Variants in ZCWPW1 observed in about 807,000 individuals in gnomAD.
ZCWPW1 encodes the protein zinc finger CW-type and PWWP domain containing 1, also known as zinc finger CW-type PWWP domain protein 1.
Under a neutral mutation model 81.3 loss-of-function variants are expected in ZCWPW1, and 56 were observed. That is an observed-to-expected ratio of 0.69 (90% CI 0.56 to 0.86). ZCWPW1 has a LOEUF of 0.86. Ranked by LOEUF, ZCWPW1 falls within the 40% of genes least tolerant of loss-of-function variation. ZCWPW1 has a pLI of 0.00. For synonymous variants in ZCWPW1, 250 were observed against 273.7 expected (o/e 0.91, Z 0.86); for missense variants, 650 against 769.8 (o/e 0.84, Z 1.84).
At chr7:100,421,454 TATA>T (rs901224612) in intron 2 of ZCWPW1, among the ~76,000 whole-genome samples, 8 of 152,312 alleles carry the variant, frequency 5.3e-5, no homozygotes, top group Admixed American at 2.6e-4. Flanking sequence ...TTAACATCAT[TATA>T]ATGTTTATTT....
rs746961331 is a variant in ZCWPW1, at chr7:100,419,691, C to T, written c.221G>A (p.Ser74Asn). Residue 74 changes from serine to asparagine, a missense_variant, in exon 4 of 18, where the codon AGC becomes AAC. Physicochemically the swap from Ser to Asn is conservative, Grantham distance 46. Transcript: ENST00000684423. ...EEKATMKNVP[S>N]REQEKKRKAQ... ...CTTTCTTTTTTTCTCCTGTTCCCTG[C>T]TTGGAACATTCTTCATGGTTGCTTT... The T allele has an allele frequency of 6.2e-7, 1 of 1,614,026 alleles. No individual in the cohort carries two copies. Among genetic ancestry groups the T allele is most frequent in the Non-Finnish European group, 8.5e-7 (1 of 1,180,022 alleles).
rs369091115 is a variant in ZCWPW1, at chr7:100,416,340, T to C, written c.596A>G (p.Asn199Ser). ...PDPAPSKKKS[N>S]RLTLSKRKKE... ...CTTTCTTTTGCTTAAGGTGAGTCTA[T>C]TGGATTTCTTCTTAGAGGGTGCAGG... The change falls in exon 7 of 18, where the codon AAT becomes AGT. Residue 199 changes from asparagine (N) to serine (S), a missense_variant. Physicochemically the swap from Asn to Ser is conservative, Grantham distance 46 (BLOSUM62 1). Coordinates refer to ENST00000684423, the MANE Select transcript of ZCWPW1 (RefSeq NM_001386010.1). 10 of 1,614,064 alleles carry C rather than the reference T, an allele frequency of 6.2e-6. No homozygotes were observed. Among genetic ancestry groups the C allele is most frequent in the South Asian group, 2.2e-5 (2 of 91,082 alleles).
intron 1 of ZCWPW1, among the ~76,000 whole-genome samples, chr7:100,426,783 TTCTC>T (rs1491316595): frequency 1.1e-5 from 1 of 94,276 alleles, no homozygotes; most frequent in Non-Finnish European, 2.1e-5. Context: ...CCTCCTCCCT[TTCTC>T]TCTCCCTCTT....
At position 100,419,870 on chromosome 7, in the gene ZCWPW1, T is replaced by C. The variant is rs1164969048; in HGVS notation, c.42A>G (p.Gly14=). Reference sequence around the variant, plus strand: ...CAGGTGGGGCAAAGATTCTCTTTGGTCCCTTTCCACATTCTGAAAGAAATG... The same window carrying C: ...CAGGTGGGGCAAAGATTCTCTTTGGCCCCTTTCCACATTCTGAAAGAAATG... ...TLQNKEECGK[G]PKRIFAPPAQ... Residue 14 remains glycine (G), a synonymous_variant, in exon 4 of 18, where the codon GGA becomes GGG. Transcript: ENST00000684423. The C allele has an allele frequency of 6.3e-7, 1 of 1,576,662 alleles. No individual in the cohort carries two copies. The highest frequency in any genetic ancestry group is 1.2e-5 in the South Asian group (1 of 85,448).
At chr7:100,424,458 T>A (rs1796944797) in intron 2 of ZCWPW1, among the ~76,000 whole-genome samples, 1 of 152,106 alleles carries the variant, frequency 6.6e-6, no homozygotes, top group Non-Finnish European at 1.5e-5. Context: ...CAAAAAATAT[T>A]TTAAATTATT....
intron 16 of ZCWPW1, 92 bp from the exon 17 acceptor site, chr7:100,402,133 C>T: frequency 6.8e-7 from 1 of 1,478,794 alleles, no homozygotes; most frequent in South Asian, 1.3e-5. Flanking sequence ...CCCTGCCCCA[C>T]ATCTTCTGCT....
At chr7:100,403,565 T>A in intron 15 of ZCWPW1, 129 bp downstream of exon 15, 1 of 634,710 alleles carries the variant, frequency 1.6e-6, no homozygotes, top group Non-Finnish European at 2.5e-6. Flanking sequence ...GGCTCATGCC[T>A]GTAATCCCAG....
intron 1 of ZCWPW1, among the ~76,000 whole-genome samples, chr7:100,425,685 C>T (rs28660238): frequency 0.21 from 32,330 of 152,056 alleles, 3,718 homozygotes; most frequent in African/African-American, 0.29. Context: ...CAGAAACAGA[C>T]GAGAACCCAG....
rs1411609074 is a variant in ZCWPW1 at position 100,416,008 on chromosome 7, T to C, written c.721A>G (p.Arg241Gly). ...KKTVQDHSQI[R>G]DQQKGEISGF... ...CTTATCTCTCCTTTTTGCTGGTCCC[T>C]GATCTGAGAATGATCCTGAACTGTT... Residue 241 changes from arginine (R) to glycine (G), a missense_variant, in exon 8 of 18, where the codon AGG (arginine) becomes GGG (glycine). By Grantham distance (125) the Arg-to-Gly change is moderately radical. Transcript: ENST00000684423. The C allele has an allele frequency of 1.2e-6, 2 of 1,614,050 alleles. No homozygotes were observed. The highest frequency in any genetic ancestry group is 1.7e-6 in the Non-Finnish European group (2 of 1,180,026).
intron 6 of ZCWPW1, 78 bp downstream of exon 6, chr7:100,416,988 C>G (rs565657315): frequency 1.0e-6 from 1 of 986,470 alleles, no homozygotes; most frequent in Non-Finnish European, 1.6e-6. Flanking sequence ...ACCAGATAGA[C>G]AGACAGATAG....
intron 8 of ZCWPW1, among the ~76,000 whole-genome samples, chr7:100,411,726 C>T (rs1794208399): frequency 6.6e-6 from 1 of 152,018 alleles, no homozygotes. Context: ...TATATTAATA[C>T]AGATCAATAA....
chr7:100,404,117 G>A (rs1364557549), intron 14 of ZCWPW1, 61 bp downstream of exon 14: 24 of 1,539,114 alleles, frequency 1.6e-5, no homozygotes, highest in Non-Finnish European at 2.1e-5. Flanking sequence ...AACATGGGTT[G>A]CTGCCCTCAT....
intron 2 of ZCWPW1, among the ~76,000 whole-genome samples, chr7:100,424,617 A>T (rs1372077768): frequency 1.3e-5 from 2 of 151,650 alleles, no homozygotes; most frequent in African/African-American, 4.8e-5. Context: ...GCGCACCACC[A>T]CCCCCAGCTA....
At chr7:100,414,990 A>T (rs1488589438) in intron 8 of ZCWPW1, among the ~76,000 whole-genome samples, 1 of 146,662 alleles carries the variant, frequency 6.8e-6, no homozygotes, top group Non-Finnish European at 1.5e-5. Flanking sequence ...GCGCCACCGC[A>T]CTCCAGCCTG....
At chr7:100,426,808 TCC>T (rs540931024) in intron 1 of ZCWPW1, among the ~76,000 whole-genome samples, 23 of 74,910 alleles carry the variant, frequency 3.1e-4, no homozygotes, top group African/African-American at 1.1e-3. Flanking sequence ...CCCTCCCTCC[TCC>T]CCCTCTCCTT....
chr7:100,428,070 C>T (rs1205271446), intron 1 of ZCWPW1, among the ~76,000 whole-genome samples: 1 of 152,068 alleles, frequency 6.6e-6, no homozygotes, highest in Non-Finnish European at 1.5e-5. Flanking sequence ...CTGGTTGTCG[C>T]CCTGAGAAAG....
At chr7:100,417,879 GTTTTTGT>G (rs1795621480) in intron 5 of ZCWPW1, among the ~76,000 whole-genome samples, 1 of 151,086 alleles carries the variant, frequency 6.6e-6, no homozygotes. Context: ...TTGGTTTTTG[GTTTTTGT>G]TTTTTGGTTT....
At chr7:100,423,238 T>C (rs1796660876) in intron 2 of ZCWPW1, among the ~76,000 whole-genome samples, 1 of 152,188 alleles carries the variant, frequency 6.6e-6, no homozygotes, top group Non-Finnish European at 1.5e-5. Flanking sequence ...ACTAATAACA[T>C]ATCTATTCTA....
At chr7:100,411,969 C>CA (rs1198537810) in intron 8 of ZCWPW1, among the ~76,000 whole-genome samples, 5 of 152,164 alleles carry the variant, frequency 3.3e-5, no homozygotes, top group Non-Finnish European at 7.4e-5. Flanking sequence ...GTCACAGACA[C>CA]ATGTTAAGAG....
Sources: gnomAD v4.1 joint callset for allele counts (sites outside exome capture counted in the v4.1 genomes callset) on GRCh38, gnomAD v4.1.1 for gene constraint, MANE v1.5 for transcripts, NCBI Gene and HGNC (gene_info 2026-07-23, HGNC 2026-07-21) for gene names.